Variants in PEBP4 observed in about 807,000 individuals in gnomAD.
The protein encoded by PEBP4 is phosphatidylethanolamine binding protein 4.
A neutral mutation model predicts 23.9 loss-of-function variants in PEBP4; 22 were observed. The observed-to-expected ratio is 0.92, with a 90% CI of 0.66 to 1.31. PEBP4 has a LOEUF of 1.31. Ranked by LOEUF, PEBP4 falls within the 40% of genes most tolerant of loss-of-function variation. The pLI is 0.00. For missense variants in PEBP4, 324 were observed against 281.7 expected (o/e 1.15, Z -1.07); for synonymous variants, 112 against 99.3 (o/e 1.13, Z -0.76).
intron 4 of PEBP4, among the ~76,000 whole-genome samples, chr8:22,786,210 T>C (rs1411667883): frequency 6.6e-6 from 1 of 152,224 alleles, no homozygotes; most frequent in Non-Finnish European, 1.5e-5. Flanking sequence ...ATACATTATG[T>C]ATTCTGGGGC....
At chr8:22,755,980 C>A (rs1408349934) in intron 4 of PEBP4, 1 of 152,238 alleles carries the variant, frequency 6.6e-6, no homozygotes, top group East Asian at 1.9e-4. Context: ...GAAGCTCCTG[C>A]AATGCCTCCA....
intron 3 of PEBP4, among the ~76,000 whole-genome samples, chr8:22,819,729 C>T (rs1440094194): frequency 6.6e-6 from 1 of 152,246 alleles, no homozygotes; most frequent in Middle Eastern, 3.4e-3. Flanking sequence ...GCCTCAGCCT[C>T]CCAAGTAGCT....
At chr8:22,905,497 T>C (rs1808792744) in intron 3 of PEBP4, among the ~76,000 whole-genome samples, 1 of 152,266 alleles carries the variant, frequency 6.6e-6, no homozygotes, top group African/African-American at 2.4e-5. Context: ...TTTGACCTTA[T>C]ACCTAGGCAG....
At chr8:22,810,004 T>C (rs185144532) in intron 4 of PEBP4, among the ~76,000 whole-genome samples, 1 of 152,358 alleles carries the variant, frequency 6.6e-6, no homozygotes, top group East Asian at 1.9e-4. Context: ...ATATGCTCAG[T>C]TCTTGTGCAG....
chr8:22,772,576 G>T (rs1019677908), intron 4 of PEBP4, among the ~76,000 whole-genome samples: 5 of 150,288 alleles, frequency 3.3e-5, no homozygotes, highest in Non-Finnish European at 5.9e-5. Flanking sequence ...GCTCATTGCG[G>T]CATCCAACTC....
chr8:22,834,416 G>A (rs1807157212), intron 3 of PEBP4, among the ~76,000 whole-genome samples: 1 of 152,240 alleles, frequency 6.6e-6, no homozygotes, highest in Non-Finnish European at 1.5e-5. Flanking sequence ...CCAGGCTGGT[G>A]TCCACTGCTG....
At chr8:22,739,667 C>G (rs969714150) in intron 4 of PEBP4, among the ~76,000 whole-genome samples, 3 of 152,128 alleles carry the variant, frequency 2.0e-5, no homozygotes, top group Non-Finnish European at 4.4e-5. Flanking sequence ...CTGATGCCCC[C>G]CTCCCCACAG....
chr8:22,912,475 G>A (rs892191762), intron 3 of PEBP4, among the ~76,000 whole-genome samples: 11 of 152,170 alleles, frequency 7.2e-5, no homozygotes, highest in Non-Finnish European at 1.3e-4. Context: ...GGGGGATTCC[G>A]GAGGCAAAAT....
At chr8:22,751,300 C>T (rs1228126070) in intron 4 of PEBP4, among the ~76,000 whole-genome samples, 2 of 152,090 alleles carry the variant, frequency 1.3e-5, no homozygotes, top group Non-Finnish European at 2.9e-5. Flanking sequence ...GGGAGAGACC[C>T]GTGAGCTCTA....
At chr8:22,795,721 C>T (rs557799427) in intron 4 of PEBP4, among the ~76,000 whole-genome samples, 20 of 152,306 alleles carry the variant, frequency 1.3e-4, no homozygotes, top group African/African-American at 4.8e-4. Flanking sequence ...TATGATGTAT[C>T]TCTCCAAATA....
intron 4 of PEBP4, chr8:22,757,589 C>T (rs932100702): frequency 2.0e-5 from 3 of 152,192 alleles, no homozygotes; most frequent in African/African-American, 7.2e-5. Context: ...CTGGGTCATC[C>T]AGCCAGCTAG....
At chr8:22,880,337 A>C (rs1808221492) in intron 3 of PEBP4, among the ~76,000 whole-genome samples, 1 of 152,132 alleles carries the variant, frequency 6.6e-6, no homozygotes, top group Admixed American at 6.5e-5. Context: ...TGACATGAGA[A>C]CTTGCTTTGA....
At chr8:22,740,024 G>A (rs916810607) in intron 4 of PEBP4, among the ~76,000 whole-genome samples, 2 of 152,114 alleles carry the variant, frequency 1.3e-5, no homozygotes, top group Non-Finnish European at 2.9e-5. Flanking sequence ...TCCCTCCTTT[G>A]CCCTATTTTA....
chr8:22,899,900 G>C (rs535739190), intron 3 of PEBP4, among the ~76,000 whole-genome samples: 1 of 150,612 alleles, frequency 6.6e-6, no homozygotes, highest in South Asian at 2.1e-4. Flanking sequence ...TCAAGAACGT[G>C]GAGAGGTTAA....
chr8:22,771,480 G>A (rs528442237), intron 4 of PEBP4, among the ~76,000 whole-genome samples: 1 of 151,952 alleles, frequency 6.6e-6, no homozygotes, highest in East Asian at 1.9e-4. Context: ...CGGAGTGAGA[G>A]TCCATCTCAA....
intron 3 of PEBP4, among the ~76,000 whole-genome samples, chr8:22,864,023 C>T (rs1437472558): frequency 6.6e-6 from 1 of 152,208 alleles, no homozygotes; most frequent in East Asian, 1.9e-4. Context: ...CCAGAATGAT[C>T]TACTTAAAAC....
chr8:22,873,810 T>C (rs909307820), intron 3 of PEBP4, among the ~76,000 whole-genome samples: 2 of 152,162 alleles, frequency 1.3e-5, no homozygotes, highest in Non-Finnish European at 2.9e-5. Flanking sequence ...ATGTGGAATA[T>C]TGATCGGGAG....
At chr8:22,901,758 T>C (rs1808715484) in intron 3 of PEBP4, among the ~76,000 whole-genome samples, 1 of 152,196 alleles carries the variant, frequency 6.6e-6, no homozygotes, top group South Asian at 2.1e-4. Context: ...AAAGAAATAC[T>C]TGTACTTAGC....
chr8:22,829,036 T>TG (rs568682871), intron 3 of PEBP4, among the ~76,000 whole-genome samples: 1 of 152,334 alleles, frequency 6.6e-6, no homozygotes, highest in Admixed American at 6.5e-5. Context: ...TCCAGGCCAC[T>TG]GGTAACTCCT....
Sources: allele counts gnomAD v4.1 joint callset (sites outside exome capture counted in the v4.1 genomes callset), GRCh38; gene constraint gnomAD v4.1.1; transcripts MANE v1.5; gene names NCBI Gene and HGNC (gene_info 2026-07-23, HGNC 2026-07-21).